Variants in KDM4B observed in about 807,000 individuals in gnomAD.
KDM4B encodes the protein lysine-specific demethylase 4B.
KDM4B carries 32 observed loss-of-function variants against 125.2 expected under a neutral mutation model. The observed-to-expected ratio is 0.26, with a 90% CI of 0.19 to 0.34. The LOEUF (loss-of-function observed/expected upper bound fraction) is 0.34, where lower values mean the gene tolerates loss of function less well. Ranked by LOEUF, KDM4B falls within the 10% of genes least tolerant of loss-of-function variation. The probability of loss-of-function intolerance (pLI) is 1.00; values close to 1 mark genes in which losing one functional copy is unlikely to be tolerated. For missense variants in KDM4B, 1,190 were observed against 1,577.7 expected (o/e 0.75, Z 4.16); for synonymous variants, 721 against 677.9 (o/e 1.06, Z -0.99).
At chr19:5,052,317 C>A (rs1251343615) in intron 6 of KDM4B, among the ~76,000 whole-genome samples, 1 of 135,920 alleles carries the variant, frequency 7.4e-6, no homozygotes, top group African/African-American at 2.8e-5. Context: ...TGTGCATGGG[C>A]GCATGTGTGC....
chr19:5,131,898 A>C lies in KDM4B; in HGVS notation c.1797A>C (p.Thr599=). Residue 599 remains threonine (T), a synonymous_variant, in exon 13 of 23, where the codon ACA becomes ACC. Transcript: ENST00000159111. ...GTTGTGTGTTTCAGGCACCGTCCAC[A>C]TTTTCCAAATTGAAGATGGAGATCA... The part of the protein sequence containing the change: ...ARAGEGQAPS[T]FSKLKMEIKK... 1 of 1,612,576 alleles carries C rather than the reference A, an allele frequency of 6.2e-7. No individual in the cohort carries two copies. Among genetic ancestry groups the C allele is most frequent in the Non-Finnish European group, 8.5e-7 (1 of 1,179,828 alleles).
chr19:5,046,239 T>G (rs965632831), intron 5 of KDM4B, among the ~76,000 whole-genome samples: 3 of 152,258 alleles, frequency 2.0e-5, no homozygotes, highest in Non-Finnish European at 4.4e-5. Flanking sequence ...CCTTGCCATG[T>G]GTTTGCCATG....
At chr19:5,129,059 G>A (rs2039499548) in intron 11 of KDM4B, among the ~76,000 whole-genome samples, 1 of 152,196 alleles carries the variant, frequency 6.6e-6, no homozygotes, top group South Asian at 2.1e-4. Context: ...AGTGGCGGGG[G>A]CTGCCTTCAC....
chr19:5,086,802 A>G (rs980883863), intron 9 of KDM4B, among the ~76,000 whole-genome samples: 2 of 152,242 alleles, frequency 1.3e-5, no homozygotes, highest in Non-Finnish European at 2.9e-5. Flanking sequence ...GACCACTGCC[A>G]CAGATGTGCT....
chr19:5,007,020 T>G (rs1599399661), intron 1 of KDM4B, among the ~76,000 whole-genome samples: 1 of 151,224 alleles, frequency 6.6e-6, no homozygotes, highest in Non-Finnish European at 1.5e-5. Flanking sequence ...GCGGGGGTGG[T>G]GAGGACCAGG....
intron 7 of KDM4B, chr19:5,077,104 C>T (rs746983598): frequency 1.1e-4 from 56 of 515,862 alleles, no homozygotes; most frequent in African/African-American, 1.9e-4. Flanking sequence ...ATGGTCACTG[C>T]GCAGAGGCCA....
intron 6 of KDM4B, among the ~76,000 whole-genome samples, chr19:5,065,229 C>T (rs2037731777): frequency 6.6e-6 from 1 of 152,202 alleles, no homozygotes; most frequent in African/African-American, 2.4e-5. Context: ...GGCTGGGGCC[C>T]TGTGGGATGG....
chr19:5,143,002 A>G (rs1378564240), intron 18 of KDM4B, among the ~76,000 whole-genome samples: 1 of 152,124 alleles, frequency 6.6e-6, no homozygotes, highest in South Asian at 2.1e-4. Context: ...CTCCTCACCA[A>G]GGAGGCTTCT....
chr19:5,131,473 G>C lies in KDM4B; in HGVS notation c.1713G>C (p.Thr571=), dbSNP rs757984594. The change falls in exon 12 of 23, where the codon ACG becomes ACC. Residue 571 remains threonine (T), a synonymous_variant. Coordinates refer to ENST00000159111, the MANE Select transcript of KDM4B (RefSeq NM_015015.3). ...WKEPVSPMEL[T]GPEDGAASSG... is the part of the protein sequence containing the mutation. The stretch of plus-strand genomic sequence containing the variant: ...AACCAGTTTCCCCCATGGAGCTGAC[G>C]GGGCCAGAGGACGGTGCAGCCAGCA... The C allele has an allele frequency of 1.3e-6, 2 of 1,598,984 alleles. No individual in the cohort carries two copies. Among genetic ancestry groups the C allele is most frequent in the Non-Finnish European group, 1.7e-6 (2 of 1,177,586 alleles).
intron 12 of KDM4B, 84 bp downstream of exon 12, chr19:5,131,629 C>A: frequency 3.9e-6 from 1 of 253,410 alleles, no homozygotes. Flanking sequence ...CACAGGGGAG[C>A]TGGTGGCGGG....
At chr19:4,969,370 C>G (rs1226848056) in intron 1 of KDM4B, 140 bp downstream of exon 1, 8 of 139,084 alleles carry the variant, frequency 5.8e-5, no homozygotes, top group African/African-American at 1.8e-4. Flanking sequence ...CGGGCCGGGC[C>G]TCGCGCTTTG....
chr19:5,008,591 C>CTTTTTTTT (rs550611814), intron 1 of KDM4B, among the ~76,000 whole-genome samples: 2 of 135,538 alleles, frequency 1.5e-5, no homozygotes, highest in Non-Finnish European at 3.2e-5. Context: ...TTTTCTTTTT[C>CTTTTTTTT]TTTTTTTTTT....
chr19:5,144,779 G>A lies in KDM4B; in HGVS notation c.2902-4G>A. The A allele has an allele frequency of 1.9e-6, 3 of 1,613,436 alleles. No homozygotes were observed. Among genetic ancestry groups the A allele is most frequent in the Non-Finnish European group, 2.5e-6 (3 of 1,179,936 alleles). On this transcript the variant is annotated splice_region_variant and splice_polypyrimidine_tract_variant and intron_variant, in intron 20 of 22. Transcript: ENST00000159111. ...ACCTCACCTCCCACCTCTTCTCCCTGCAGAGTAGGGACTGTGTCCAGCTGG... is the reference window on the plus strand; with the variant it reads ...ACCTCACCTCCCACCTCTTCTCCCTACAGAGTAGGGACTGTGTCCAGCTGG...
chr19:5,057,065 T>TGTGTGTGTGTGCGC (rs55806859), intron 6 of KDM4B, among the ~76,000 whole-genome samples: 35 of 128,398 alleles, frequency 2.7e-4, no homozygotes, highest in African/African-American at 1.1e-3. Context: ...TGTGTGTGTG[T>TGTGTGTGTGTGCGC]GCGCGCGCGC....
chr19:5,033,055 G>T lies in KDM4B; in HGVS notation c.141+24G>T. The T allele has an allele frequency of 2.5e-6, 4 of 1,609,706 alleles. No individual in the cohort carries two copies. The Middle Eastern group carries it at 6.9e-4, about 279-fold the overall frequency. ...AGGTGGGTGACATCCTGGCCCCAGC[G>T]CGGCCCTCCATCAGCCTGCGCCGCG... is the stretch of plus-strand genomic sequence containing the variant. On this transcript the variant is annotated intron_variant, in intron 3 of 22. Transcript: ENST00000159111.
chr19:5,114,279 C>A lies in KDM4B; in HGVS notation c.1115+3461C>A, dbSNP rs1406209734. On this transcript the variant is annotated intron_variant, in intron 10 of 22. Coordinates refer to ENST00000159111, the MANE Select transcript of KDM4B (RefSeq NM_015015.3). This position sits in a 1 kb window ranked among gnomAD's most constrained non-coding sequence, Gnocchi z 5.8. ...GCCTCACCACAGCCTCCCTGGCCCA[C>A]TGCTGCTCTGTGAGCCCGGCTGGGC... 8.0e-7 allele frequency: 1 copy of A among 1,256,794 alleles called. No individual in the cohort carries two copies. Among genetic ancestry groups the A allele is most frequent in the Non-Finnish European group, 1.0e-6 (1 of 958,684 alleles). The allele number at this position is 1,256,794 out of a possible 1,614,324, so 77.9% of individuals were successfully genotyped here. A position where few individuals can be genotyped will look rare whatever the true frequency, so the allele number is the denominator to read the frequency against.
chr19:5,077,241 G>A (rs530875061), intron 7 of KDM4B, 126 bp from the exon 8 acceptor site: 22 of 771,174 alleles, frequency 2.9e-5, no homozygotes, highest in Non-Finnish European at 4.1e-5. Context: ...GATCTGGGCC[G>A]TGCTCTGTGC....
chr19:5,091,147 C>T (rs1251210388), intron 9 of KDM4B, among the ~76,000 whole-genome samples: 4 of 152,262 alleles, frequency 2.6e-5, no homozygotes, highest in South Asian at 4.1e-4. Context: ...ATTAGCTCAG[C>T]ACGCGGCCGG....
At chr19:5,130,614 A>T (rs1465462713) in intron 11 of KDM4B, among the ~76,000 whole-genome samples, 1 of 152,256 alleles carries the variant, frequency 6.6e-6, no homozygotes, top group African/African-American at 2.4e-5. Context: ...TTTCTACATC[A>T]ACAGTAGAAA....
Sources: gnomAD v4.1 joint callset for allele counts (sites outside exome capture counted in the v4.1 genomes callset) on GRCh38, gnomAD v4.1.1 for gene constraint, Gnocchi (gnomAD v3.1) non-coding constraint, MANE v1.5 for transcripts, NCBI Gene and HGNC (gene_info 2026-07-23, HGNC 2026-07-21) for gene names.